Variants in PHF24 observed in about 807,000 individuals in gnomAD.
PHF24 encodes Galpha inhibitory interacting protein.
PHF24 carries 25 observed loss-of-function variants against 42.6 expected under a neutral mutation model. The ratio of observed to expected loss-of-function variants is 0.59; its 90% CI spans 0.43 to 0.82. PHF24 has a LOEUF of 0.82. PHF24 is among the 40% of genes least tolerant of loss of function. The pLI is 0.00. For missense variants in PHF24, 470 were observed against 538.1 expected, an observed-to-expected ratio of 0.87 and a Z score of 1.25; for synonymous variants, 185 against 204.8, an observed-to-expected ratio of 0.90 and a Z score of 0.83.
At chr9:34,906,778 C>T in the PHF24 span, among the ~76,000 whole-genome samples, 1 of 152,036 alleles carries the variant, frequency 6.6e-6, no homozygotes, top group African/African-American at 2.4e-5. Context: ...AACTTTGTTT[C>T]CAAAAGAAAT....
chr9:34,955,144 G>A (rs1826342262), upstream of PHF24, among the ~76,000 whole-genome samples: 2 of 152,332 alleles, frequency 1.3e-5, no homozygotes, highest in South Asian at 4.1e-4. Flanking sequence ...AAAGTGCAAG[G>A]ATTACAGGTG....
chr9:34,716,919 C>G, the PHF24 span, among the ~76,000 whole-genome samples: 1 of 152,116 alleles, frequency 6.6e-6, no homozygotes, highest in African/African-American at 2.4e-5. Flanking sequence ...TGGTTTTAAG[C>G]TTTCAAGCTA....
At chr9:34,665,898 G>C in the PHF24 span, 1 of 580,968 alleles carries the variant, frequency 1.7e-6, no homozygotes, top group Admixed American at 3.1e-5. Context: ...GGCATTTAGG[G>C]GGCCAGGGCG....
chr9:34,937,675 A>G, the PHF24 span, among the ~76,000 whole-genome samples: 3 of 150,922 alleles, frequency 2.0e-5, no homozygotes, highest in Non-Finnish European at 4.4e-5. Flanking sequence ...TCACAACAAC[A>G]AGGCAGAAAG....
At chr9:34,980,599 A>G (rs1827356076) in exon 8 of PHF24, 1 of 152,142 alleles carries the variant, frequency 6.6e-6, no homozygotes, top group African/African-American at 2.4e-5. Flanking sequence ...CCCGTCCAGA[A>G]TCTCCCTTTG....
chr9:34,894,252 A>C, the PHF24 span, among the ~76,000 whole-genome samples: 1 of 151,998 alleles, frequency 6.6e-6, no homozygotes, highest in South Asian at 2.1e-4. Flanking sequence ...GAATTGGGTG[A>C]CCCTTCCCTC....
chr9:34,692,214 C>T, the PHF24 span, among the ~76,000 whole-genome samples: 1 of 152,136 alleles, frequency 6.6e-6, no homozygotes, highest in African/African-American at 2.4e-5. Context: ...ACATTTCCCT[C>T]TTAAATTTCT....
chr9:34,805,086 T>C, the PHF24 span, among the ~76,000 whole-genome samples: 1 of 152,348 alleles, frequency 6.6e-6, no homozygotes, highest in South Asian at 2.1e-4. Context: ...GGATATACCA[T>C]ATTTTGTTTA....
At chr9:34,947,365 A>G in the PHF24 span, among the ~76,000 whole-genome samples, 1 of 151,828 alleles carries the variant, frequency 6.6e-6, no homozygotes, top group South Asian at 2.1e-4. Flanking sequence ...AGCGCAGCAC[A>G]TTACTCACGT....
the PHF24 span, among the ~76,000 whole-genome samples, chr9:34,821,515 G>T: frequency 1.6e-4 from 25 of 152,274 alleles, no homozygotes; most frequent in African/African-American, 6.0e-4. Flanking sequence ...CAGCTATTTT[G>T]TAGTATATGT....
At chr9:34,746,546 A>G in the PHF24 span, among the ~76,000 whole-genome samples, 1 of 152,246 alleles carries the variant, frequency 6.6e-6, no homozygotes, top group Non-Finnish European at 1.5e-5. Context: ...AGAATTAGGA[A>G]TAAAAATTGT....
the PHF24 span, among the ~76,000 whole-genome samples, chr9:34,736,063 GT>G: frequency 1.3e-5 from 2 of 151,724 alleles, no homozygotes; most frequent in East Asian, 1.9e-4. Context: ...ACCAGTAGTA[GT>G]TTTTTTCCTC....
At chr9:34,873,946 A>G in the PHF24 span, among the ~76,000 whole-genome samples, 2 of 152,046 alleles carry the variant, frequency 1.3e-5, no homozygotes, top group African/African-American at 4.8e-5. Flanking sequence ...TAGGTATTTT[A>G]TTCTCTTTGA....
the PHF24 span, among the ~76,000 whole-genome samples, chr9:34,736,784 A>G: frequency 4.0e-4 from 61 of 152,366 alleles, 2 homozygotes; most frequent in East Asian, 0.011. Flanking sequence ...AAAGACTAAC[A>G]AAGATAAGAA....
chr9:34,839,917 G>A, the PHF24 span, among the ~76,000 whole-genome samples: 1 of 152,184 alleles, frequency 6.6e-6, no homozygotes, highest in Non-Finnish European at 1.5e-5. Context: ...TAATTTTGGA[G>A]TTTTGTCTAA....
the PHF24 span, among the ~76,000 whole-genome samples, chr9:34,668,545 T>A: frequency 6.6e-6 from 1 of 152,172 alleles, no homozygotes; most frequent in Non-Finnish European, 1.5e-5. Context: ...CATATCAGTC[T>A]CAGAACCTGG....
At chr9:34,727,005 G>A in the PHF24 span, 6 of 1,540,604 alleles carry the variant, frequency 3.9e-6, no homozygotes, top group Admixed American at 2.0e-5. Flanking sequence ...AGGGAAACAC[G>A]GCAAAATTAA....
chr9:34,669,224 A>G, the PHF24 span, among the ~76,000 whole-genome samples: 1 of 152,088 alleles, frequency 6.6e-6, no homozygotes, highest in East Asian at 1.9e-4. Flanking sequence ...TGTGTGCTCA[A>G]CCTTGGCAAA....
the PHF24 span, chr9:34,922,480 CTTG>C: frequency 7.6e-7 from 1 of 1,321,926 alleles, no homozygotes; most frequent in Middle Eastern, 2.6e-4. Flanking sequence ...TCTTGGTGTG[CTTG>C]TTGTGACTGA....
Sources: allele counts gnomAD v4.1 joint callset (sites outside exome capture counted in the v4.1 genomes callset), GRCh38; gene constraint gnomAD v4.1.1; transcripts MANE v1.5; gene names NCBI Gene and HGNC (gene_info 2026-07-23, HGNC 2026-07-21).